CRTC3: variants seen among roughly 807,000 people sequenced by gnomAD.
CRTC3 encodes the protein CREB regulated transcription coactivator 3, also known as CREB-regulated transcription coactivator 3.
Under a neutral mutation model 74.5 loss-of-function variants are expected in CRTC3, and 26 were observed. That is an observed-to-expected ratio of 0.35 (90% CI 0.26 to 0.48). The LOEUF is 0.48. CRTC3 is among the 20% of genes least tolerant of loss of function. The probability of loss-of-function intolerance (pLI) is 0.99; values close to 1 mark genes in which losing one functional copy is unlikely to be tolerated. For synonymous variants in CRTC3, 377 were observed against 325.8 expected (o/e 1.16, Z -1.69); for missense variants, 760 against 787.3 (o/e 0.97, Z 0.41).
At chr15:90,541,862 T>A (rs1318704046) in intron 2 of CRTC3, among the ~76,000 whole-genome samples, 2 of 143,412 alleles carry the variant, frequency 1.4e-5, no homozygotes, top group Non-Finnish European at 3.0e-5. Context: ...CTCAGCTCAC[T>A]GCAACCTCCA....
chr15:90,627,874 A>C (rs1968895783), intron 10 of CRTC3, among the ~76,000 whole-genome samples: 1 of 117,270 alleles, frequency 8.5e-6, no homozygotes, highest in African/African-American at 3.2e-5. Flanking sequence ...TCGGCCTCCC[A>C]AAGTGCCGGG....
At chr15:90,544,298 A>G (rs147612949) in intron 2 of CRTC3, among the ~76,000 whole-genome samples, 1 of 152,250 alleles carries the variant, frequency 6.6e-6, no homozygotes, top group Non-Finnish European at 1.5e-5. Flanking sequence ...CCTTTTTCTT[A>G]TAAAGAACTA....
intron 2 of CRTC3, among the ~76,000 whole-genome samples, chr15:90,571,019 C>G (rs1967250936): frequency 6.6e-6 from 1 of 152,098 alleles, no homozygotes; most frequent in Non-Finnish European, 1.5e-5. Flanking sequence ...AATTATAATC[C>G]TCCCCTTTTC....
chr15:90,614,157 A>G (rs751257397), intron 6 of CRTC3: 8 of 297,252 alleles, frequency 2.7e-5, no homozygotes, highest in Non-Finnish European at 4.4e-5. Flanking sequence ...TGTGGTTTGA[A>G]TAGAGATTCT....
intron 2 of CRTC3, among the ~76,000 whole-genome samples, chr15:90,582,895 C>T (rs112338204): frequency 2.0e-5 from 3 of 152,348 alleles, no homozygotes; most frequent in African/African-American, 7.2e-5. Flanking sequence ...CATGATCCAT[C>T]TTCTCCAGGT....
intron 2 of CRTC3, among the ~76,000 whole-genome samples, chr15:90,550,580 T>G (rs1320371647): frequency 1.3e-5 from 2 of 152,116 alleles, no homozygotes; most frequent in Non-Finnish European, 1.5e-5. Context: ...CTGTTGCTAT[T>G]GTCCCCTTTA....
intron 2 of CRTC3, among the ~76,000 whole-genome samples, chr15:90,543,258 G>C (rs1297655853): frequency 7.1e-6 from 1 of 140,024 alleles, no homozygotes; most frequent in Non-Finnish European, 1.5e-5. Context: ...CTCACATGGG[G>C]CCACAGTACT....
intron 11 of CRTC3, among the ~76,000 whole-genome samples, chr15:90,631,845 G>C (rs1005627351): frequency 6.6e-6 from 1 of 152,034 alleles, no homozygotes; most frequent in Non-Finnish European, 1.5e-5. Context: ...GCCTCCCAAA[G>C]GGCTGGAATT....
chr15:90,534,154 G>T (rs772258302), intron 1 of CRTC3, among the ~76,000 whole-genome samples: 3 of 152,202 alleles, frequency 2.0e-5, no homozygotes, highest in Non-Finnish European at 4.4e-5. Context: ...TACTAAGATG[G>T]TGGCAGTCGG....
At chr15:90,579,055 C>A (rs978445989) in intron 2 of CRTC3, among the ~76,000 whole-genome samples, 2 of 151,922 alleles carry the variant, frequency 1.3e-5, no homozygotes, top group African/African-American at 4.8e-5. Context: ...AATTACAGAT[C>A]AAAAATATTA....
At chr15:90,614,230 A>G (rs1034237827) in intron 6 of CRTC3, 66 of 475,262 alleles carry the variant, frequency 1.4e-4, no homozygotes, top group African/African-American at 1.2e-3. Context: ...CAGACAGACA[A>G]TTTTAAAGGA....
In CRTC3 at chr15:90,629,536, A is replaced by G; in HGVS notation, c.1266+4A>G. ...GGCCCCATATCCTACCTCCCAGGTA[A>G]ACACACACAGACAGACCAACCACTA... On this transcript the variant is annotated splice_donor_region_variant and intron_variant, in intron 11 of 14. Transcript: ENST00000268184. 1 of 1,613,862 alleles carries G rather than the reference A, an allele frequency of 6.2e-7. No homozygotes were observed. The highest frequency in any genetic ancestry group is 8.5e-7 in the Non-Finnish European group (1 of 1,179,802).
chr15:90,598,226 C>T (rs1967977805), intron 3 of CRTC3: 1 of 570,462 alleles, frequency 1.8e-6, no homozygotes, highest in Non-Finnish European at 3.1e-6. Flanking sequence ...ACTGACCGCA[C>T]AGGGACGGGA....
At position 90,630,083 on chromosome 15, in the gene CRTC3, A is replaced by T. The variant is rs147123624; in HGVS notation, c.1266+551A>T. On this transcript the variant is annotated intron_variant, in intron 11 of 14. Transcript: ENST00000268184. ...TTGCTGTGTTGATTACTCTTTAAGC[A>T]AATGTTGAACAATCTGTAGTCACTA... 4.3e-3 allele frequency among the ~76,000 whole-genome samples: 661 copies of T among 152,296 alleles called. 6 individuals are homozygous for T. Among genetic ancestry groups the T allele is most frequent in the African/African-American group, 0.014 (597 of 41,556 alleles).
rs1448400144 is a variant in CRTC3, at chr15:90,642,186, A to T, written c.*46A>T. The T allele has an allele frequency of 6.6e-7, 1 of 1,508,910 alleles. No homozygotes were observed. 93.5% of individuals were successfully genotyped at this position (1,508,910 alleles called of 1,614,324 possible). A position where few individuals can be genotyped will look rare whatever the true frequency, so the allele number is the denominator to read the frequency against. The stretch of plus-strand genomic sequence containing the variant: ...AGAATGTTTTTCTGCAACAGCCAAA[A>T]TAGAATGGAATAGAATGAAGCCAGC... On this transcript the variant is annotated 3_prime_UTR_variant, in exon 15 of 15. Coordinates refer to ENST00000268184, the MANE Select transcript of CRTC3 (RefSeq NM_022769.5).
chr15:90,631,555 C>T (rs947563104), intron 11 of CRTC3, among the ~76,000 whole-genome samples: 1 of 151,830 alleles, frequency 6.6e-6, no homozygotes, highest in African/African-American at 2.4e-5. Context: ...TGACGAAACC[C>T]CATCTCTACT....
In CRTC3 at chr15:90,577,067, A is replaced by G. The variant is rs191315083; in HGVS notation, c.232-16569A>G. Among the ~76,000 whole-genome samples the G allele has an allele frequency of 2.7e-5, 4 of 150,394 alleles. No homozygotes were observed. The East Asian group carries it at 7.8e-4, about 29-fold the overall frequency. On this transcript the variant is annotated intron_variant, in intron 2 of 14. Coordinates refer to ENST00000268184, the MANE Select transcript of CRTC3 (RefSeq NM_022769.5). The stretch of plus-strand genomic sequence containing the variant: ...TTGTTTTGTTTTGTTTTTTTGAGAT[A>G]GAATATTGCCCTCTTGCTCAGGCTG...
intron 2 of CRTC3, among the ~76,000 whole-genome samples, chr15:90,577,231 G>A (rs1967428336): frequency 6.6e-6 from 1 of 152,022 alleles, no homozygotes; most frequent in African/African-American, 2.4e-5. Context: ...CCAGCCTTTG[G>A]CCCACATTTA....
intron 1 of CRTC3, among the ~76,000 whole-genome samples, chr15:90,534,937 A>T (rs1203767615): frequency 6.6e-6 from 1 of 152,162 alleles, no homozygotes; most frequent in Non-Finnish European, 1.5e-5. Context: ...AGGCAGGCGG[A>T]TCACCTAAGG....
Sources: allele counts gnomAD v4.1 joint callset (sites outside exome capture counted in the v4.1 genomes callset), GRCh38; gene constraint gnomAD v4.1.1; transcripts MANE v1.5; gene names NCBI Gene and HGNC (gene_info 2026-07-23, HGNC 2026-07-21).